Variants in CNBD1 observed in about 807,000 individuals in gnomAD.
CNBD1 encodes cyclic nucleotide binding domain containing 1.
A neutral mutation model predicts 54.4 loss-of-function variants in CNBD1; 71 were observed. The observed-to-expected ratio is 1.30, with a 90% CI of 1.08 to 1.59. The LOEUF (loss-of-function observed/expected upper bound fraction) is 1.59, where lower values mean the gene tolerates loss of function less well. Ranked by LOEUF, CNBD1 falls within the 40% of genes most tolerant of loss-of-function variation. CNBD1 has a pLI of 0.00. For missense variants in CNBD1, 659 were observed against 518.0 expected, an observed-to-expected ratio of 1.27 and a Z score of -2.64; for synonymous variants, 182 against 170.7, an observed-to-expected ratio of 1.07 and a Z score of -0.51.
At chr8:87,345,615 G>A (rs549896921) in intron 8 of CNBD1, among the ~76,000 whole-genome samples, 3 of 152,018 alleles carry the variant, frequency 2.0e-5, no homozygotes, top group Non-Finnish European at 2.9e-5. Flanking sequence ...AACAATAATT[G>A]TTCAAAATAA....
intron 2 of CNBD1, among the ~76,000 whole-genome samples, chr8:87,389,516 A>T (rs1811264440): frequency 6.6e-6 from 1 of 152,210 alleles, no homozygotes; most frequent in Non-Finnish European, 1.5e-5. Flanking sequence ...TTCAAAGAGA[A>T]TAAAATATCC....
downstream of CNBD1, among the ~76,000 whole-genome samples, chr8:87,386,943 G>A (rs1300128881): frequency 6.6e-6 from 1 of 152,072 alleles, no homozygotes; most frequent in Non-Finnish European, 1.5e-5. Flanking sequence ...AGAGAGTGGG[G>A]GCCAAAATTC....
chr8:87,403,369 C>T (rs567320742), intron 2 of CNBD1, among the ~76,000 whole-genome samples: 4 of 151,930 alleles, frequency 2.6e-5, no homozygotes, highest in East Asian at 3.9e-4. Context: ...GTAGATAGAC[C>T]GAAAATGGAA....
intron 4 of CNBD1, among the ~76,000 whole-genome samples, chr8:87,155,715 C>A (rs537870056): frequency 6.6e-6 from 1 of 152,302 alleles, no homozygotes; most frequent in South Asian, 2.1e-4. Flanking sequence ...TTGTATATAC[C>A]TGTCTGCATT....
At chr8:87,021,415 G>A (rs944174291) in intron 4 of CNBD1, among the ~76,000 whole-genome samples, 1 of 152,204 alleles carries the variant, frequency 6.6e-6, no homozygotes, top group African/African-American at 2.4e-5. Flanking sequence ...TACAAGAAAT[G>A]TGTATGAATA....
intron 4 of CNBD1, among the ~76,000 whole-genome samples, chr8:87,102,676 C>T (rs138404185): frequency 0.034 from 5,231 of 152,054 alleles, 316 homozygotes; most frequent in African/African-American, 0.12. Context: ...TGCAGTGGCG[C>T]GATTTCGGCT....
At chr8:87,092,344 AGT>A (rs113453662) in intron 4 of CNBD1, among the ~76,000 whole-genome samples, 275 of 142,568 alleles carry the variant, frequency 1.9e-3, no homozygotes, top group African/African-American at 4.0e-3. Flanking sequence ...ATACTGGCTC[AGT>A]GTGTGTGTGT....
intron 4 of CNBD1, among the ~76,000 whole-genome samples, chr8:87,001,694 G>A (rs1808996606): frequency 6.6e-6 from 1 of 152,106 alleles, no homozygotes; most frequent in Non-Finnish European, 1.5e-5. Flanking sequence ...GCATAATTAA[G>A]GATGAACTCA....
intron 4 of CNBD1, among the ~76,000 whole-genome samples, chr8:86,978,754 G>A (rs748895408): frequency 7.2e-5 from 11 of 151,734 alleles, no homozygotes; most frequent in Admixed American, 1.3e-4. Context: ...TGTTGGTCTC[G>A]AACTCCCGAC....
intron 4 of CNBD1, among the ~76,000 whole-genome samples, chr8:86,992,524 T>A (rs888151026): frequency 1.3e-5 from 2 of 152,172 alleles, no homozygotes; most frequent in African/African-American, 4.8e-5. Flanking sequence ...TGTTAGTTGG[T>A]TGTTTTGTAA....
chr8:86,895,925 C>T (rs1808841385), intron 2 of CNBD1, among the ~76,000 whole-genome samples: 1 of 152,052 alleles, frequency 6.6e-6, no homozygotes, highest in East Asian at 1.9e-4. Context: ...AATGTTTATT[C>T]ATGTCCTTTG....
intron 2 of CNBD1, among the ~76,000 whole-genome samples, chr8:87,425,827 T>G (rs1211321995): frequency 1.3e-5 from 2 of 152,238 alleles, no homozygotes; most frequent in South Asian, 2.1e-4. Flanking sequence ...CAGGCCTCCT[T>G]GAGCTGTGGT....
chr8:87,325,316 G>A (rs1485507602), intron 8 of CNBD1, among the ~76,000 whole-genome samples: 2 of 93,760 alleles, frequency 2.1e-5, no homozygotes, highest in Admixed American at 1.9e-4. Flanking sequence ...ATGTCTATTA[G>A]GTCCGCTTGG....
intron 2 of CNBD1, among the ~76,000 whole-genome samples, chr8:87,428,113 G>C (rs1453467937): frequency 1.4e-5 from 2 of 147,998 alleles, no homozygotes; most frequent in African/African-American, 5.0e-5. Context: ...TATATCTTAG[G>C]AGCATAAGAT....
At chr8:86,953,754 C>A (rs558424512) in intron 4 of CNBD1, among the ~76,000 whole-genome samples, 17 of 152,118 alleles carry the variant, frequency 1.1e-4, no homozygotes, top group Middle Eastern at 3.2e-3. Flanking sequence ...GTAATCCCAG[C>A]TACTCAGGAG....
chr8:87,343,158 G>A (rs62526777), intron 8 of CNBD1, among the ~76,000 whole-genome samples: 6,674 of 152,192 alleles, frequency 0.044, 192 homozygotes, highest in Non-Finnish European at 0.06. Flanking sequence ...GCCCAACCAC[G>A]CAGGCAGTCA....
Position 87,393,819 on chromosome 8 carries a change from A to G in CNBD1, c.214-34727A>G, listed in dbSNP as rs150936457. Among the ~76,000 whole-genome samples the G allele has an allele frequency of 1.1e-3, 166 of 152,006 alleles. 2 individuals are homozygous for G. The East Asian group carries it at 0.016, about 15-fold the overall frequency. On this transcript the variant is annotated intron_variant, in intron 2 of 7. Transcript: ENST00000521593. ...AGGCTTCAAAACAGAGCAGATTTGG[A>G]TACATTAATGGAAGAGAGACAGGTA...
intron 2 of CNBD1, among the ~76,000 whole-genome samples, chr8:87,412,755 G>A (rs1272503317): frequency 6.6e-6 from 1 of 152,074 alleles, no homozygotes; most frequent in Non-Finnish European, 1.5e-5. Flanking sequence ...TTCCGAAGAA[G>A]ATTTGAGGAA....
intron 8 of CNBD1, among the ~76,000 whole-genome samples, chr8:87,294,777 T>C (rs16898452): frequency 0.23 from 34,554 of 152,034 alleles, 4,095 homozygotes; most frequent in South Asian, 0.28. Flanking sequence ...TATGGGCCTG[T>C]TTACCACTTT....
Sources: allele counts gnomAD v4.1 joint callset (sites outside exome capture counted in the v4.1 genomes callset), GRCh38; gene constraint gnomAD v4.1.1; transcripts MANE v1.5; gene names NCBI Gene and HGNC (gene_info 2026-07-23, HGNC 2026-07-21).